Variants in ANO10 observed in about 807,000 individuals in gnomAD.
ANO10 encodes anoctamin 10.
Under a neutral mutation model 74.7 loss-of-function variants are expected in ANO10, and 77 were observed. The ratio of observed to expected loss-of-function variants is 1.03; its 90% CI spans 0.86 to 1.25. The LOEUF is 1.25. Among genes scored for constraint, ANO10 ranks in the 50% most tolerant of loss-of-function variants. The pLI, the probability that ANO10 is intolerant of heterozygous loss-of-function variation, is 0.00. For missense variants in ANO10, 721 were observed against 778.1 expected (o/e 0.93, Z 0.87); for synonymous variants, 279 against 284.9 (o/e 0.98, Z 0.21).
chr3:43,380,245 T>C (rs1163691097), intron 12 of ANO10, among the ~76,000 whole-genome samples: 1 of 151,708 alleles, frequency 6.6e-6, no homozygotes, highest in African/African-American at 2.4e-5. Flanking sequence ...AATCTAAAAG[T>C]TTGGAAAACA....
intron 5 of ANO10, among the ~76,000 whole-genome samples, chr3:43,577,818 A>G (rs3755602): frequency 0.79 from 120,562 of 152,202 alleles, 48,490 homozygotes; most frequent in African/African-American, 0.92. Context: ...TTCTACACAT[A>G]AACTTCCAGA....
At chr3:43,640,067 G>GTCA in intron 1 of ANO10, among the ~76,000 whole-genome samples, 1 of 152,280 alleles carries the variant, frequency 6.6e-6, no homozygotes, top group Admixed American at 6.5e-5. Flanking sequence ...TGAAAACAGT[G>GTCA]TTCTGGACAA....
intron 11 of ANO10, among the ~76,000 whole-genome samples, chr3:43,460,896 T>A (rs2075348360): frequency 6.6e-6 from 1 of 151,810 alleles, no homozygotes; most frequent in Non-Finnish European, 1.5e-5. Flanking sequence ...AAAGAGTTCT[T>A]GGAAATTACC....
At chr3:43,643,514 C>G (rs554247892) in intron 1 of ANO10, among the ~76,000 whole-genome samples, 1 of 151,868 alleles carries the variant, frequency 6.6e-6, no homozygotes, top group East Asian at 1.9e-4. Context: ...TTGCATTTCT[C>G]TTATTGTAAG....
chr3:43,555,022 G>C, intron 10 of ANO10, among the ~76,000 whole-genome samples: 1 of 152,188 alleles, frequency 6.6e-6, no homozygotes, highest in East Asian at 1.9e-4. Context: ...TTTCCCAGAA[G>C]ATTGTCAGAG....
intron 12 of ANO10, among the ~76,000 whole-genome samples, chr3:43,396,074 T>TA (rs1257193181): frequency 2.0e-5 from 3 of 150,656 alleles, no homozygotes; most frequent in East Asian, 4.0e-4. Flanking sequence ...ATTTATTTAT[T>TA]TATTTTTTTT....
At chr3:43,489,085 C>T (rs1427868389) in intron 11 of ANO10, among the ~76,000 whole-genome samples, 2 of 150,114 alleles carry the variant, frequency 1.3e-5, no homozygotes, top group Non-Finnish European at 3.0e-5. Context: ...AAACCAAACA[C>T]CGCATATTCT....
chr3:43,529,832 A>G (rs1559654641), intron 11 of ANO10, among the ~76,000 whole-genome samples: 1 of 152,142 alleles, frequency 6.6e-6, no homozygotes, highest in Non-Finnish European at 1.5e-5. Context: ...ACTTTCCTAA[A>G]TACTTGCTCC....
chr3:43,535,582 A>T (rs2078678833), intron 11 of ANO10, among the ~76,000 whole-genome samples: 1 of 152,070 alleles, frequency 6.6e-6, no homozygotes, highest in Non-Finnish European at 1.5e-5. Context: ...CCTCCTAGAC[A>T]TTCTTAAGGA....
At chr3:43,591,811 C>T (rs2081778508) in intron 4 of ANO10, among the ~76,000 whole-genome samples, 1 of 152,182 alleles carries the variant, frequency 6.6e-6, no homozygotes, top group Non-Finnish European at 1.5e-5. Flanking sequence ...TCACCTCACC[C>T]AGGAAGCACA....
chr3:43,605,499 G>A (rs986541781), intron 2 of ANO10, among the ~76,000 whole-genome samples: 1 of 152,186 alleles, frequency 6.6e-6, no homozygotes, highest in African/African-American at 2.4e-5. Context: ...TCAGTTTAAT[G>A]GGAACTTAAA....
intron 12 of ANO10, among the ~76,000 whole-genome samples, chr3:43,422,031 C>T (rs993549390): frequency 2.0e-5 from 3 of 152,152 alleles, no homozygotes; most frequent in African/African-American, 7.2e-5. Context: ...ATATGTTGAC[C>T]ATCATGGCAA....
chr3:43,642,786 T>C (rs990421388), intron 1 of ANO10, among the ~76,000 whole-genome samples: 1 of 152,114 alleles, frequency 6.6e-6, no homozygotes, highest in African/African-American at 2.4e-5. Flanking sequence ...AAATATAGCA[T>C]ACTATACTAA....
chr3:43,518,536 T>C (rs1026471117), intron 11 of ANO10, among the ~76,000 whole-genome samples: 13 of 152,184 alleles, frequency 8.5e-5, no homozygotes, highest in Non-Finnish European at 1.6e-4. Flanking sequence ...CCTGACTGCC[T>C]GAGGGGCTGG....
intron 3 of ANO10, among the ~76,000 whole-genome samples, chr3:43,599,561 C>CT (rs1467285285): frequency 1.3e-5 from 2 of 152,010 alleles, no homozygotes; most frequent in African/African-American, 4.8e-5. Context: ...TGAGATGCAA[C>CT]TTTTTATAGT....
Position 43,577,091 on chromosome 3 carries a change from T to C in ANO10, c.763A>G (p.Thr255Ala). 6.2e-7 allele frequency: 1 copy of C among 1,614,186 alleles called. No individual in the cohort carries two copies. Among genetic ancestry groups the C allele is most frequent in the South Asian group, 1.1e-5 (1 of 91,088 alleles). ...CGCTTCCACAGTTCCAGAATCACCG[T>C]GGACCAGATGAGGTTGAACGAGGCA... ...IFASFNLIWS[T>A]VILELWKRGC... is the part of the protein sequence containing the mutation. Residue 255 changes from threonine (T) to alanine (A), a missense_variant, in exon 6 of 13, where the codon ACG (threonine) becomes GCG (alanine). By Grantham distance (58) the Thr-to-Ala change is moderately conservative (BLOSUM62 0). Transcript: ENST00000292246.
intron 12 of ANO10, chr3:43,372,821 A>C (rs2091664563): frequency 1.3e-6 from 2 of 1,535,360 alleles, no homozygotes; most frequent in Non-Finnish European, 1.7e-6. Context: ...AATACCGTGG[A>C]AGAGAGACCA....
At chr3:43,656,012 G>A (rs370125934) in intron 1 of ANO10, among the ~76,000 whole-genome samples, 796 of 73,228 alleles carry the variant, frequency 0.011, 8 homozygotes, top group African/African-American at 0.03. Context: ...GGTTCTCCAC[G>A]TCCCCACCAG....
chr3:43,555,339 T>C lies in ANO10; in HGVS notation c.1607A>G (p.Lys536Arg). ...NFTEVNSDALKMCRVFKRPFS... is the reference protein window; with the variant it reads ...NFTEVNSDALRMCRVFKRPFS... ...TGGACGTTTGAAGACCCTGCACATT[T>C]TTAAGGCATCTGAATTTACTTCAGT... The change falls in exon 10 of 13, where the codon AAA (lysine) becomes AGA (arginine). Residue 536 changes from lysine (K) to arginine (R), a missense_variant. Physicochemically the swap from Lys to Arg is conservative, Grantham distance 26 (BLOSUM62 2). Coordinates refer to ENST00000292246, the MANE Select transcript of ANO10 (RefSeq NM_018075.5). The C allele has an allele frequency of 1.2e-6, 2 of 1,614,152 alleles. No individual in the cohort carries two copies.
Sources: allele counts gnomAD v4.1 joint callset (sites outside exome capture counted in the v4.1 genomes callset), GRCh38; gene constraint gnomAD v4.1.1; transcripts MANE v1.5; gene names NCBI Gene and HGNC (gene_info 2026-07-23, HGNC 2026-07-21).